The following CDKAL1 variants were observed in gnomAD, a reference collection of about 807,000 sequenced individuals.
The protein encoded by CDKAL1 is threonylcarbamoyladenosine tRNA methylthiotransferase.
CDKAL1 carries 32 observed loss-of-function variants against 68.2 expected under a neutral mutation model. The observed-to-expected ratio is 0.47, with a 90% CI of 0.35 to 0.63. The LOEUF (loss-of-function observed/expected upper bound fraction) is 0.63, where lower values mean the gene tolerates loss of function less well. CDKAL1 is among the 30% of genes least tolerant of loss of function. CDKAL1 has a pLI of 0.00. For synonymous variants in CDKAL1, 234 were observed against 244.3 expected (o/e 0.96, Z 0.39); for missense variants, 606 against 696.7 (o/e 0.87, Z 1.47).
chr6:21,231,102 AG>A lies in CDKAL1; in HGVS notation c.*65del. 7.6e-7 allele frequency: 1 copy of A among 1,323,206 alleles called. No individual in the cohort carries two copies. Among genetic ancestry groups the A allele is most frequent in the Non-Finnish European group, 1.0e-6 (1 of 955,988 alleles). 82.0% of individuals were successfully genotyped at this position (1,323,206 alleles called of 1,614,324 possible). A position where few individuals can be genotyped will look rare whatever the true frequency, so the allele number is the denominator to read the frequency against. On this transcript the variant is annotated 3_prime_UTR_variant, in exon 16 of 16. Transcript: ENST00000274695. ...TTTCTAATTAAAATCTTCAATGAAC[AG>A]GAAAGCGACATCTCCATTCTCCAAG... is the stretch of plus-strand genomic sequence containing the variant.
chr6:20,745,395 C>T lies in CDKAL1; in HGVS notation c.468+5780C>T, dbSNP rs775161702. ...AGTATTGAGGGCAAGGCTTGAGGAA[C>T]GCTCTCCTTCTCCTGTTTGCCCCTA... On this transcript the variant is annotated intron_variant, in intron 6 of 15. Coordinates refer to ENST00000274695, the MANE Select transcript of CDKAL1 (RefSeq NM_017774.3). Among the ~76,000 whole-genome samples, 22 of 152,264 alleles carry T rather than the reference C, an allele frequency of 1.4e-4. No individual in the cohort carries two copies. In the East Asian group the frequency reaches 3.5e-3, roughly 24 times the overall value.
intron 9 of CDKAL1, among the ~76,000 whole-genome samples, chr6:20,900,236 A>T (rs532866266): frequency 1.1e-4 from 17 of 151,972 alleles, no homozygotes; most frequent in Admixed American, 4.6e-4. Context: ...AATCCTTATT[A>T]AAAAAAAGGG....
intron 4 of CDKAL1, among the ~76,000 whole-genome samples, chr6:20,593,063 TG>T (rs1302781225): frequency 6.6e-6 from 1 of 152,156 alleles, no homozygotes; most frequent in Non-Finnish European, 1.5e-5. Context: ...CTGCTGGTTT[TG>T]GTTTGCCAGT....
intron 11 of CDKAL1, among the ~76,000 whole-genome samples, chr6:21,042,676 C>CTTG (rs1769997983): frequency 6.6e-6 from 1 of 152,276 alleles, no homozygotes; most frequent in East Asian, 1.9e-4. Context: ...CCAGTACTAT[C>CTTG]TTGTATTCTG....
intron 15 of CDKAL1, among the ~76,000 whole-genome samples, chr6:21,222,808 T>A (rs59113724): frequency 6.6e-6 from 1 of 152,026 alleles, no homozygotes. Flanking sequence ...ATTTGGAAGC[T>A]GCACCGCAAG....
At chr6:20,821,328 T>C (rs1248304279) in intron 8 of CDKAL1, among the ~76,000 whole-genome samples, 2 of 152,012 alleles carry the variant, frequency 1.3e-5, no homozygotes, top group South Asian at 2.1e-4. Context: ...AGATGAGACA[T>C]GGTGGAAACA....
chr6:20,914,055 C>T (rs1289129743), intron 9 of CDKAL1, among the ~76,000 whole-genome samples: 2 of 151,898 alleles, frequency 1.3e-5, no homozygotes, highest in East Asian at 1.9e-4. Flanking sequence ...TTTGGGAGGC[C>T]GAGGCAGGCA....
intron 12 of CDKAL1, among the ~76,000 whole-genome samples, chr6:21,086,915 A>C (rs544549016): frequency 6.6e-6 from 1 of 152,286 alleles, no homozygotes; most frequent in African/African-American, 2.4e-5. Flanking sequence ...CTAGATCTAA[A>C]TGTCATTGTC....
At chr6:21,174,818 C>T (rs564660501) in intron 13 of CDKAL1, among the ~76,000 whole-genome samples, 4 of 152,048 alleles carry the variant, frequency 2.6e-5, no homozygotes, top group Non-Finnish European at 4.4e-5. Flanking sequence ...ATGCTCACCC[C>T]GTATCCAAAG....
At chr6:20,912,374 G>A (rs1762505136) in intron 9 of CDKAL1, among the ~76,000 whole-genome samples, 1 of 152,102 alleles carries the variant, frequency 6.6e-6, no homozygotes, top group African/African-American at 2.4e-5. Context: ...AATGAAGTTG[G>A]TCTCCTACTT....
chr6:20,657,504 G>A (rs1197970101), intron 5 of CDKAL1, among the ~76,000 whole-genome samples: 3 of 152,106 alleles, frequency 2.0e-5, no homozygotes. Context: ...TTAAATAGTT[G>A]TTTTAAATTA....
chr6:20,546,434 T>G lies in CDKAL1; in HGVS notation c.84T>G (p.His28Gln). The change falls in exon 3 of 16, where the codon CAT becomes CAG. Residue 28 changes from histidine to glutamine, a missense_variant. Coordinates refer to ENST00000274695, the MANE Select transcript of CDKAL1 (RefSeq NM_017774.3). ...SQEDSKPQDR[H>Q]FVRKDVVPKV... The stretch of plus-strand genomic sequence containing the variant: ...AAGATTCAAAACCACAAGATAGGCA[T>G]TTTGTAAGAAAGGATGTTGTCCCGA... The G allele has an allele frequency of 6.2e-7, 1 of 1,614,102 alleles. No individual in the cohort carries two copies. The highest frequency in any genetic ancestry group is 8.5e-7 in the Non-Finnish European group (1 of 1,179,974).
At chr6:21,035,336 C>T (rs529806356) in intron 11 of CDKAL1, among the ~76,000 whole-genome samples, 21 of 152,078 alleles carry the variant, frequency 1.4e-4, no homozygotes, top group Admixed American at 3.9e-4. Context: ...ATCTCTGAGA[C>T]AAGACACATC....
At chr6:20,640,554 A>C (rs1768125202) in intron 4 of CDKAL1, among the ~76,000 whole-genome samples, 1 of 152,232 alleles carries the variant, frequency 6.6e-6, no homozygotes, top group African/African-American at 2.4e-5. Flanking sequence ...AGGCCAAGAC[A>C]TGACATGTTC....
intron 15 of CDKAL1, among the ~76,000 whole-genome samples, chr6:21,205,834 T>A (rs1292479949): frequency 1.9e-5 from 2 of 103,966 alleles, no homozygotes; most frequent in Non-Finnish European, 3.9e-5. Context: ...CCCAGCCTTT[T>A]TTTTTTTTTT....
intron 9 of CDKAL1, among the ~76,000 whole-genome samples, chr6:20,879,916 G>C (rs1339427656): frequency 2.0e-5 from 3 of 152,118 alleles, no homozygotes; most frequent in African/African-American, 7.2e-5. Flanking sequence ...TTTAAACTAT[G>C]GTATGAATTT....
chr6:20,745,750 T>C (rs1773640381), intron 6 of CDKAL1, among the ~76,000 whole-genome samples: 1 of 152,150 alleles, frequency 6.6e-6, no homozygotes, highest in Admixed American at 6.5e-5. Flanking sequence ...AAAAATCTAA[T>C]AATGTTTTAA....
chr6:20,907,971 T>C (rs372454395), intron 9 of CDKAL1, among the ~76,000 whole-genome samples: 75 of 152,282 alleles, frequency 4.9e-4, no homozygotes, highest in African/African-American at 1.7e-3. Context: ...CATCCACGGC[T>C]CTGTCACCAC....
At chr6:20,903,064 A>G (rs1394775475) in intron 9 of CDKAL1, among the ~76,000 whole-genome samples, 2 of 152,150 alleles carry the variant, frequency 1.3e-5, no homozygotes, top group Non-Finnish European at 2.9e-5. Context: ...CAGGGTGGAA[A>G]AATCAAATTG....
Sources: allele counts gnomAD v4.1 joint callset (sites outside exome capture counted in the v4.1 genomes callset), GRCh38; gene constraint gnomAD v4.1.1; transcripts MANE v1.5; gene names NCBI Gene and HGNC (gene_info 2026-07-23, HGNC 2026-07-21).